The following GLIS3 variants were observed in gnomAD, a reference collection of about 807,000 sequenced individuals.
GLIS3 encodes the protein GLIS family zinc finger 3, also known as zinc finger protein GLIS3.
GLIS3 carries 53 observed loss-of-function variants against 78.6 expected under a neutral mutation model. The observed-to-expected ratio is 0.67, with a 90% CI of 0.54 to 0.85. The LOEUF (loss-of-function observed/expected upper bound fraction) is 0.85, where lower values mean the gene tolerates loss of function less well. Among genes scored for constraint, GLIS3 ranks in the 40% least tolerant of loss-of-function variants. The pLI is 0.00. For missense variants in GLIS3, 1,703 were observed against 1,231.1 expected (o/e 1.38, Z -5.74); for synonymous variants, 684 against 509.9 (o/e 1.34, Z -4.60).
chr9:4,408,448 G>A, the GLIS3 span, among the ~76,000 whole-genome samples: 1 of 150,634 alleles, frequency 6.6e-6, no homozygotes, highest in African/African-American at 2.4e-5. Context: ...AAAAAAAATA[G>A]GCCGGGCACC....
At chr9:4,388,474 C>G in the GLIS3 span, among the ~76,000 whole-genome samples, 2 of 151,728 alleles carry the variant, frequency 1.3e-5, no homozygotes, top group African/African-American at 4.8e-5. Context: ...GTCAGGAGTT[C>G]GAGAGCATCC....
chr9:4,468,714 A>G, the GLIS3 span, among the ~76,000 whole-genome samples: 1 of 152,256 alleles, frequency 6.6e-6, no homozygotes, highest in African/African-American at 2.4e-5. Flanking sequence ...AATGCTAGGA[A>G]GAAACTGCAT....
chr9:4,265,361 T>G (rs1443614765), intron 2 of GLIS3, among the ~76,000 whole-genome samples: 1 of 149,980 alleles, frequency 6.7e-6, no homozygotes, highest in Non-Finnish European at 1.5e-5. Flanking sequence ...TATTTAATTT[T>G]TCCAGGTTTC....
At chr9:4,252,672 T>C (rs1217209912) in intron 2 of GLIS3, among the ~76,000 whole-genome samples, 1 of 152,172 alleles carries the variant, frequency 6.6e-6, no homozygotes, top group Non-Finnish European at 1.5e-5. Flanking sequence ...GTTGTGATCC[T>C]TTGGAGGAGA....
intron 4 of GLIS3, among the ~76,000 whole-genome samples, chr9:4,106,892 G>A (rs182061802): frequency 6.6e-5 from 10 of 152,210 alleles, no homozygotes; most frequent in Admixed American, 5.9e-4. Flanking sequence ...CGAGCAGCGG[G>A]GAATTGTGCC....
chr9:4,369,611 T>C, the GLIS3 span, among the ~76,000 whole-genome samples: 1 of 152,166 alleles, frequency 6.6e-6, no homozygotes, highest in Non-Finnish European at 1.5e-5. Flanking sequence ...CTGTAGGCCC[T>C]TGTGCAAGCA....
chr9:4,221,106 T>G (rs1435082327), intron 2 of GLIS3, among the ~76,000 whole-genome samples: 1 of 152,228 alleles, frequency 6.6e-6, no homozygotes, highest in African/African-American at 2.4e-5. Flanking sequence ...CTGAAGTATT[T>G]TGAGGTTGTA....
At chr9:3,983,507 C>CA (rs1203824175) in intron 4 of GLIS3, among the ~76,000 whole-genome samples, 1 of 151,818 alleles carries the variant, frequency 6.6e-6, no homozygotes, top group Non-Finnish European at 1.5e-5. Flanking sequence ...CAGAAGAAGA[C>CA]AAAAAAATGT....
chr9:4,310,966 G>T (rs1166011498), intron 2 of GLIS3, among the ~76,000 whole-genome samples: 1 of 152,216 alleles, frequency 6.6e-6, no homozygotes, highest in East Asian at 1.9e-4. Flanking sequence ...CATTCAGGGT[G>T]CATCTTCAGA....
chr9:4,135,805 C>G (rs1212959629), intron 2 of GLIS3, among the ~76,000 whole-genome samples: 1 of 152,076 alleles, frequency 6.6e-6, no homozygotes, highest in African/African-American at 2.4e-5. Context: ...AAAAACAGAT[C>G]GATGAAGGTA....
At chr9:4,250,548 C>G (rs1322938023) in intron 2 of GLIS3, among the ~76,000 whole-genome samples, 1 of 150,944 alleles carries the variant, frequency 6.6e-6, no homozygotes, top group Non-Finnish European at 1.5e-5. Flanking sequence ...TTTTGTTGAT[C>G]TTTTCAAAAA....
At chr9:3,988,606 A>T (rs1032732400) in intron 4 of GLIS3, among the ~76,000 whole-genome samples, 1 of 152,166 alleles carries the variant, frequency 6.6e-6, no homozygotes, top group Non-Finnish European at 1.5e-5. Flanking sequence ...GGCCCACATA[A>T]ATTCCTCAAC....
At chr9:4,332,980 A>C (rs1375146607) in intron 2 of GLIS3, among the ~76,000 whole-genome samples, 2 of 152,208 alleles carry the variant, frequency 1.3e-5, no homozygotes, top group Non-Finnish European at 2.9e-5. Context: ...CAGCTCCCTA[A>C]TTTTTATAGC....
At chr9:4,468,953 A>T in the GLIS3 span, among the ~76,000 whole-genome samples, 1 of 152,214 alleles carries the variant, frequency 6.6e-6, no homozygotes, top group Non-Finnish European at 1.5e-5. Context: ...TCTACCAAGC[A>T]AATGGAAAGC....
chr9:4,460,485 A>G, the GLIS3 span, among the ~76,000 whole-genome samples: 4 of 152,216 alleles, frequency 2.6e-5, no homozygotes, highest in East Asian at 3.9e-4. Context: ...CCTGTGCGCC[A>G]TGAAGATGTA....
intron 7 of GLIS3, chr9:3,898,177 G>A: frequency 5.3e-6 from 1 of 187,340 alleles, no homozygotes; most frequent in Admixed American, 5.4e-5. Flanking sequence ...TTCAAACCTA[G>A]GCAGATGGAA....
chr9:4,402,962 G>A, the GLIS3 span, among the ~76,000 whole-genome samples: 5 of 152,122 alleles, frequency 3.3e-5, no homozygotes, highest in African/African-American at 9.7e-5. Context: ...TCAAGTATGA[G>A]AAGGTTAATA....
intron 4 of GLIS3, among the ~76,000 whole-genome samples, chr9:3,987,436 T>G (rs1819832044): frequency 6.6e-6 from 1 of 152,070 alleles, no homozygotes; most frequent in Admixed American, 6.6e-5. Flanking sequence ...GTGCAGTGAT[T>G]CACGCCTTTA....
At chr9:4,091,791 T>C (rs1044961155) in intron 4 of GLIS3, among the ~76,000 whole-genome samples, 4 of 152,142 alleles carry the variant, frequency 2.6e-5, no homozygotes, top group African/African-American at 9.7e-5. Flanking sequence ...TCTTTATAAA[T>C]TACCCAGTCT....
Sources: allele counts gnomAD v4.1 joint callset (sites outside exome capture counted in the v4.1 genomes callset), GRCh38; gene constraint gnomAD v4.1.1; transcripts MANE v1.5; gene names NCBI Gene and HGNC (gene_info 2026-07-23, HGNC 2026-07-21).